ARL3: variants seen among roughly 807,000 people sequenced by gnomAD.
The protein encoded by ARL3 is ARF like GTPase 3.
Under a neutral mutation model 26.0 loss-of-function variants are expected in ARL3, and 9 were observed. The ratio of observed to expected loss-of-function variants is 0.35; its 90% CI spans 0.21 to 0.60. ARL3 has a LOEUF of 0.60. Ranked by LOEUF, ARL3 falls within the 20% of genes least tolerant of loss-of-function variation. The pLI, the probability that ARL3 is intolerant of heterozygous loss-of-function variation, is 0.78. For missense variants in ARL3, 158 were observed against 215.7 expected, an observed-to-expected ratio of 0.73 and a Z score of 1.67; for synonymous variants, 71 against 78.4, an observed-to-expected ratio of 0.91 and a Z score of 0.50.
intron 3 of ARL3, among the ~76,000 whole-genome samples, chr10:102,695,372 G>A (rs1177567710): frequency 2.0e-5 from 3 of 152,096 alleles, no homozygotes; most frequent in Admixed American, 2.0e-4. Context: ...TTTCATTTTG[G>A]GGGTGCTAAA....
intron 3 of ARL3, among the ~76,000 whole-genome samples, chr10:102,697,423 T>C (rs1346780822): frequency 2.0e-5 from 3 of 152,126 alleles, no homozygotes; most frequent in Non-Finnish European, 4.4e-5. Context: ...GTGATCCACC[T>C]GCCTTGGCCT....
chr10:102,714,023 C>G (rs1007258408), intron 1 of ARL3, among the ~76,000 whole-genome samples: 1 of 152,220 alleles, frequency 6.6e-6, no homozygotes, highest in African/African-American at 2.4e-5. Context: ...GCCAGCCGCG[C>G]ACTCTGCCAG....
intron 5 of ARL3, among the ~76,000 whole-genome samples, chr10:102,683,425 A>G (rs2064166159): frequency 6.6e-6 from 1 of 152,214 alleles, no homozygotes. Context: ...TTAACTACCC[A>G]ATTCTATACA....
intron 3 of ARL3, among the ~76,000 whole-genome samples, chr10:102,698,570 T>G (rs1739819581): frequency 6.6e-6 from 1 of 151,738 alleles, no homozygotes; most frequent in Admixed American, 6.6e-5. Flanking sequence ...TGAGGTAGAG[T>G]AGATGACAAG....
intron 5 of ARL3, among the ~76,000 whole-genome samples, chr10:102,682,700 C>T (rs3781571): frequency 0.26 from 39,475 of 152,148 alleles, 5,362 homozygotes; most frequent in Middle Eastern, 0.36. Context: ...TTAAGCAGTA[C>T]AAGACAGGTC....
At chr10:102,682,231 G>A (rs2064158920) in intron 5 of ARL3, among the ~76,000 whole-genome samples, 1 of 152,164 alleles carries the variant, frequency 6.6e-6, no homozygotes, top group African/African-American at 2.4e-5. Flanking sequence ...CCCCTGGACA[G>A]TGGGCCTCTT....
intron 3 of ARL3, among the ~76,000 whole-genome samples, chr10:102,691,423 A>G (rs1460434906): frequency 1.3e-5 from 2 of 152,078 alleles, no homozygotes; most frequent in African/African-American, 4.8e-5. Context: ...ATTTCCATAC[A>G]ATCTCTTTCA....
intron 1 of ARL3, 43 bp downstream of exon 1, chr10:102,714,230 G>A (rs757316070): frequency 2.3e-6 from 3 of 1,313,226 alleles, no homozygotes; most frequent in Non-Finnish European, 2.9e-6. Context: ...ACGGGAGGGG[G>A]ATAACCGGCC....
At chr10:102,687,180 A>G (rs530485847) in intron 4 of ARL3, among the ~76,000 whole-genome samples, 1 of 151,600 alleles carries the variant, frequency 6.6e-6, no homozygotes, top group African/African-American at 2.4e-5. Context: ...CGCCCGGCAT[A>G]GGAATCCACA....
At chr10:102,692,662 C>T (rs1245390095) in intron 3 of ARL3, among the ~76,000 whole-genome samples, 1 of 151,944 alleles carries the variant, frequency 6.6e-6, no homozygotes, top group Admixed American at 6.6e-5. Flanking sequence ...GTGATCCACC[C>T]ACCTCAGCCT....
chr10:102,703,961 G>A (rs1363178797), intron 2 of ARL3, among the ~76,000 whole-genome samples: 2 of 150,896 alleles, frequency 1.3e-5, no homozygotes, highest in Non-Finnish European at 3.0e-5. Flanking sequence ...ACCAGCCTGG[G>A]CAACAACGGT....
chr10:102,707,691 C>T (rs1378445494), intron 1 of ARL3, among the ~76,000 whole-genome samples: 1 of 152,178 alleles, frequency 6.6e-6, no homozygotes, highest in African/African-American at 2.4e-5. Context: ...TTAAGAATTC[C>T]TTTCTGCCTC....
At chr10:102,694,943 T>C (rs4556473) in intron 3 of ARL3, among the ~76,000 whole-genome samples, 60,323 of 152,116 alleles carry the variant, frequency 0.4, 12,359 homozygotes, top group South Asian at 0.59. Context: ...GCTCTTGAAC[T>C]CCTGACCTCA....
chr10:102,687,891 T>C (rs759281852), intron 4 of ARL3, among the ~76,000 whole-genome samples: 5 of 152,144 alleles, frequency 3.3e-5, no homozygotes, highest in African/African-American at 4.8e-5. Flanking sequence ...ATTCAAAACT[T>C]ACCCAAGGTT....
At chr10:102,683,159 A>G (rs2064164922) in intron 5 of ARL3, among the ~76,000 whole-genome samples, 1 of 152,218 alleles carries the variant, frequency 6.6e-6, no homozygotes, top group Admixed American at 6.5e-5. Flanking sequence ...GTGTGTGGAC[A>G]AGAGCTTGGG....
chr10:102,696,975 C>T (rs2064251813), intron 3 of ARL3, among the ~76,000 whole-genome samples: 2 of 152,164 alleles, frequency 1.3e-5, no homozygotes, highest in African/African-American at 4.8e-5. Flanking sequence ...AGTGTACTTA[C>T]ACACACCTAG....
At chr10:102,681,586 A>G (rs992714592) in intron 5 of ARL3, among the ~76,000 whole-genome samples, 66 of 152,032 alleles carry the variant, frequency 4.3e-4, no homozygotes, top group African/African-American at 1.5e-3. Flanking sequence ...CTGAAAGCCT[A>G]TGTGACCTGC....
intron 3 of ARL3, among the ~76,000 whole-genome samples, chr10:102,697,091 GGTAA>G (rs1269146137): frequency 1.3e-5 from 2 of 152,030 alleles, no homozygotes; most frequent in African/African-American, 2.4e-5. Flanking sequence ...GTAAAACAAT[GGTAA>G]GTATTTATGG....
chr10:102,704,970 G>T (rs928421453), intron 2 of ARL3, among the ~76,000 whole-genome samples: 1 of 152,228 alleles, frequency 6.6e-6, no homozygotes, highest in East Asian at 1.9e-4. Flanking sequence ...AACATAAAAC[G>T]TACCATTTCA....
Sources: gnomAD v4.1 joint callset for allele counts (sites outside exome capture counted in the v4.1 genomes callset) on GRCh38, gnomAD v4.1.1 for gene constraint, MANE v1.5 for transcripts, NCBI Gene and HGNC (gene_info 2026-07-23, HGNC 2026-07-21) for gene names.